NAPG: variants seen among roughly 807,000 people sequenced by gnomAD.
NAPG encodes the protein gamma-soluble NSF attachment protein.
NAPG carries 25 observed loss-of-function variants against 48.4 expected under a neutral mutation model. That is an observed-to-expected ratio of 0.52 (90% CI 0.38 to 0.72). The LOEUF is 0.72. NAPG is among the 30% of genes least tolerant of loss of function. NAPG has a pLI of 0.00. For synonymous variants in NAPG, 139 were observed against 127.2 expected, an observed-to-expected ratio of 1.09 and a Z score of -0.62; for missense variants, 359 against 372.5, an observed-to-expected ratio of 0.96 and a Z score of 0.30.
chr18:10,550,361 C>A lies in NAPG; in HGVS notation c.*141C>A. 1.2e-6 allele frequency: 1 copy of A among 846,844 alleles called. No homozygotes were observed. The highest frequency in any genetic ancestry group is 1.7e-6 in the Non-Finnish European group (1 of 586,918). 52.5% of individuals were successfully genotyped at this position (846,844 alleles called of 1,614,324 possible). A position where few individuals can be genotyped will look rare whatever the true frequency, so the allele number is the denominator to read the frequency against. On this transcript the variant is annotated 3_prime_UTR_variant, in exon 12 of 12. Transcript: ENST00000322897. ...CTAATAAAGACTAGTTTTTAGTTACCATCTTCCCAAATCACTCATTGTATC... is the reference window on the plus strand; with the variant it reads ...CTAATAAAGACTAGTTTTTAGTTACAATCTTCCCAAATCACTCATTGTATC...
chr18:10,533,767 T>C (rs191247512), intron 4 of NAPG, among the ~76,000 whole-genome samples: 7 of 151,886 alleles, frequency 4.6e-5, no homozygotes, highest in Non-Finnish European at 8.8e-5. Context: ...GCCATAATAT[T>C]TTATTAGGAG....
intron 5 of NAPG, among the ~76,000 whole-genome samples, chr18:10,538,534 A>C (rs1479419033): frequency 6.6e-6 from 1 of 152,228 alleles, no homozygotes; most frequent in East Asian, 1.9e-4. Context: ...TCTTGTATGT[A>C]GTAGGGACTT....
intron 3 of NAPG, chr18:10,533,104 A>C: frequency 3.3e-6 from 1 of 299,620 alleles, no homozygotes; most frequent in Admixed American, 4.7e-5. Context: ...GAAGTAGCAC[A>C]GGTATTGAAA....
chr18:10,535,715 C>G (rs1002529855), intron 5 of NAPG, among the ~76,000 whole-genome samples: 2 of 152,168 alleles, frequency 1.3e-5, no homozygotes, highest in African/African-American at 4.8e-5. Context: ...GAGCCGAGAT[C>G]GTGCCATTGC....
At chr18:10,537,366 A>T (rs937348059) in intron 5 of NAPG, among the ~76,000 whole-genome samples, 3 of 152,174 alleles carry the variant, frequency 2.0e-5, no homozygotes, top group Admixed American at 2.0e-4. Flanking sequence ...GAGAAAAGAA[A>T]ATATTAAGAA....
In NAPG at chr18:10,548,357, G is replaced by C; in HGVS notation, c.644G>C (p.Arg215Thr). The change falls in exon 10 of 12, where the codon AGA (arginine) becomes ACA (threonine). Residue 215 changes from arginine to threonine, a missense_variant. Transcript: ENST00000322897. The surrounding 1 kb of genome is among the most constrained non-coding windows in gnomAD (Gnocchi z 4.4). ...AGAAATGACTATGTAGCTGCAGAAA[G>C]ATGTGTCCGGGAGAGCTATAGGTAA... is the stretch of plus-strand genomic sequence containing the variant. ...LHRNDYVAAE[R>T]CVRESYSIPG... 1.2e-6 allele frequency: 2 copies of C among 1,613,690 alleles called. No homozygotes were observed. The highest frequency in any genetic ancestry group is 1.7e-6 in the Non-Finnish European group (2 of 1,179,628).
At chr18:10,528,911 G>A (rs980655489) in intron 1 of NAPG, among the ~76,000 whole-genome samples, 1 of 152,186 alleles carries the variant, frequency 6.6e-6, no homozygotes, top group Middle Eastern at 3.2e-3. Context: ...TAATGATGAC[G>A]TAGTTCAATA....
chr18:10,549,297 A>G (rs1459894210), intron 11 of NAPG, among the ~76,000 whole-genome samples: 8 of 152,132 alleles, frequency 5.3e-5, no homozygotes, highest in Non-Finnish European at 5.9e-5. Context: ...TGTGTGGTGT[A>G]TAGCCATTTA....
Position 10,539,975 on chromosome 18 carries a change from T to G in NAPG, c.369-13T>G. ...CATTTCTCATATAAGACATGTTTTC[T>G]TGTCTGATTCAGGCTTATAGAAAAT... On this transcript the variant is annotated splice_polypyrimidine_tract_variant and intron_variant, in intron 6 of 11. Coordinates refer to ENST00000322897, the MANE Select transcript of NAPG (RefSeq NM_003826.3). The surrounding 1 kb of genome is among the most constrained non-coding windows in gnomAD (Gnocchi z 4.7). 3.7e-6 allele frequency: 6 copies of G among 1,605,452 alleles called. No individual in the cohort carries two copies. Among genetic ancestry groups the G allele is most frequent in the Non-Finnish European group, 4.3e-6 (5 of 1,175,100 alleles).
intron 5 of NAPG, among the ~76,000 whole-genome samples, chr18:10,536,421 T>C (rs977077367): frequency 6.6e-6 from 1 of 152,200 alleles, no homozygotes; most frequent in Non-Finnish European, 1.5e-5. Context: ...TGTAGACATA[T>C]GCACAAGGGA....
intron 5 of NAPG, among the ~76,000 whole-genome samples, chr18:10,535,501 C>T (rs1000544444): frequency 1.3e-5 from 2 of 152,216 alleles, no homozygotes; most frequent in African/African-American, 4.8e-5. Context: ...TGGCTCATGC[C>T]TGTAATCCCA....
In NAPG at chr18:10,534,419, C is replaced by G. The variant is rs766405205; in HGVS notation, c.228-47C>G. Reference sequence around the variant, plus strand: ...TCCTCACCAGAAAGTTTCTTCTACCCCTTATTTCGTTAAGATCTCATCAGA... The same window carrying G: ...TCCTCACCAGAAAGTTTCTTCTACCGCTTATTTCGTTAAGATCTCATCAGA... On this transcript the variant is annotated intron_variant, in intron 4 of 11. Coordinates refer to ENST00000322897, the MANE Select transcript of NAPG (RefSeq NM_003826.3). The surrounding 1 kb of genome is among the most constrained non-coding windows in gnomAD (Gnocchi z 5.0). 5.1e-6 allele frequency: 8 copies of G among 1,583,572 alleles called. No homozygotes were observed. In the African/African-American group the frequency reaches 8.1e-5, roughly 16 times the overall value.
intron 5 of NAPG, among the ~76,000 whole-genome samples, chr18:10,536,952 G>A (rs2032045780): frequency 6.7e-6 from 1 of 148,700 alleles, no homozygotes; most frequent in African/African-American, 2.6e-5. Flanking sequence ...TTTACTAATA[G>A]CCTGTTTTTG....
In NAPG at chr18:10,540,369, A is replaced by G. The variant is rs2032128255; in HGVS notation, c.476A>G (p.Lys159Arg). ...RLRQAVELLGKASRLLVRGRR... is the reference protein window; with the variant it reads ...RLRQAVELLGRASRLLVRGRR... ...CGACAGGCAGTTGAATTACTAGGAAAAGCCTCCAGACTACTAGTACGAGGA... is the reference window on the plus strand; with the variant it reads ...CGACAGGCAGTTGAATTACTAGGAAGAGCCTCCAGACTACTAGTACGAGGA... Residue 159 changes from lysine to arginine, a missense_variant, in exon 8 of 12, where the codon AAA becomes AGA. By Grantham distance (26) the Lys-to-Arg change is conservative (BLOSUM62 2). Coordinates refer to ENST00000322897, the MANE Select transcript of NAPG (RefSeq NM_003826.3). The G allele has an allele frequency of 6.2e-7, 1 of 1,613,686 alleles. No individual in the cohort carries two copies. The highest frequency in any genetic ancestry group is 1.1e-5 in the South Asian group (1 of 91,074).
chr18:10,534,217 G>A lies in NAPG; in HGVS notation c.228-249G>A, dbSNP rs577514324. Among the ~76,000 whole-genome samples the A allele has an allele frequency of 2.0e-5, 3 of 152,168 alleles. No individual in the cohort carries two copies. Among genetic ancestry groups the A allele is most frequent in the African/African-American group, 4.8e-5 (2 of 41,440 alleles). ...ATGGAAATTAATTTAACCTTACTGA[G>A]CCTTACTTAATTTTGCATCTGCAAA... On this transcript the variant is annotated intron_variant, in intron 4 of 11. Coordinates refer to ENST00000322897, the MANE Select transcript of NAPG (RefSeq NM_003826.3). This position sits in a 1 kb window ranked among gnomAD's most constrained non-coding sequence, Gnocchi z 5.0.
rs2031913212 is a variant in NAPG, at chr18:10,530,781, G to T, written c.68G>T (p.Gly23Val). ...LAKAEKYLKT[G>V]FLKWKPDYDS... Reference sequence around the variant, plus strand: ...TTTTTTCATTCTAGCCTGAAAACTGGTTTTTTAAAATGGAAGCCAGATTAT... The same window carrying T: ...TTTTTTCATTCTAGCCTGAAAACTGTTTTTTTAAAATGGAAGCCAGATTAT... Residue 23 changes from glycine to valine, a missense_variant, in exon 2 of 12, where the codon GGT (glycine) becomes GTT (valine). By Grantham distance (109) the Gly-to-Val change is moderately radical. Transcript: ENST00000322897. 5 of 1,573,896 alleles carry T rather than the reference G, an allele frequency of 3.2e-6. No homozygotes were observed. Among genetic ancestry groups the T allele is most frequent in the African/African-American group, 2.7e-5 (2 of 73,328 alleles).
At chr18:10,526,230 CGGGGGGG>C in intron 1 of NAPG, 72 bp downstream of exon 1, 1 of 372,158 alleles carries the variant, frequency 2.7e-6, no homozygotes, top group Non-Finnish European at 5.3e-6. Flanking sequence ...CCTTAGCACC[CGGGGGGG>C]GCGGGAGGGA....
In NAPG at chr18:10,530,840, A is replaced by G; in HGVS notation, c.124+3A>G. 1 of 1,571,744 alleles carries G rather than the reference A, an allele frequency of 6.4e-7. No homozygotes were observed. The highest frequency in any genetic ancestry group is 8.6e-7 in the Non-Finnish European group (1 of 1,160,132). On this transcript the variant is annotated splice_donor_region_variant and intron_variant, in intron 2 of 11. Coordinates refer to ENST00000322897, the MANE Select transcript of NAPG (RefSeq NM_003826.3). ...CGCTTCTGAATATGGAAAAGCAGGT[A>G]TTTTTGACTATAGTCCAGTTGCTCC...
At position 10,548,930 on chromosome 18, in the gene NAPG, G is replaced by A. The variant is rs780626940; in HGVS notation, c.666-37G>A. The A allele has an allele frequency of 5.6e-6, 9 of 1,600,800 alleles. No homozygotes were observed. In the East Asian group the frequency reaches 2.0e-4, roughly 36 times the overall value. ...CCCTGCCTGAGATGTGTTCTTTTAAGGAGAAGGTGAAGACGTGTGATTTGT... is the reference window on the plus strand; with the variant it reads ...CCCTGCCTGAGATGTGTTCTTTTAAAGAGAAGGTGAAGACGTGTGATTTGT... On this transcript the variant is annotated intron_variant, in intron 10 of 11. Transcript: ENST00000322897. This position sits in a 1 kb window ranked among gnomAD's most constrained non-coding sequence, Gnocchi z 4.4.
Sources: allele counts gnomAD v4.1 joint callset (sites outside exome capture counted in the v4.1 genomes callset), GRCh38; gene constraint gnomAD v4.1.1; non-coding constraint Gnocchi (gnomAD v3.1); transcripts MANE v1.5; gene names NCBI Gene and HGNC (gene_info 2026-07-23, HGNC 2026-07-21).